Variants in CEP85L observed in about 807,000 individuals in gnomAD.
CEP85L encodes the protein centrosomal protein 85L, also known as centrosomal protein of 85 kDa-like.
A neutral mutation model predicts 100.3 loss-of-function variants in CEP85L; 60 were observed. The ratio of observed to expected loss-of-function variants is 0.60; its 90% CI spans 0.49 to 0.74. The LOEUF (loss-of-function observed/expected upper bound fraction) is 0.74. CEP85L is among the 30% of genes least tolerant of loss of function. CEP85L has a pLI of 0.00. For synonymous variants in CEP85L, 319 were observed against 322.7 expected, an observed-to-expected ratio of 0.99 and a Z score of 0.12; for missense variants, 973 against 936.2, an observed-to-expected ratio of 1.04 and a Z score of -0.51.
upstream of CEP85L, among the ~76,000 whole-genome samples, chr6:118,654,689 T>G (rs1445264187): frequency 6.6e-6 from 1 of 152,242 alleles, no homozygotes; most frequent in Non-Finnish European, 1.5e-5. Context: ...CAGGTAGAAT[T>G]CAAATAGGTG....
At chr6:118,475,658 A>T (rs114041968) in intron 10 of CEP85L, among the ~76,000 whole-genome samples, 1 of 152,098 alleles carries the variant, frequency 6.6e-6, no homozygotes, top group African/African-American at 2.4e-5. Flanking sequence ...CCGGTGACTT[A>T]TATCTTAATA....
chr6:118,576,963 C>A (rs1486563405), intron 2 of CEP85L, among the ~76,000 whole-genome samples: 1 of 152,194 alleles, frequency 6.6e-6, no homozygotes, highest in Admixed American at 6.5e-5. Flanking sequence ...CCCCTTTCCA[C>A]TTGATTGATC....
At chr6:118,516,360 C>T (rs1454276352) in intron 4 of CEP85L, among the ~76,000 whole-genome samples, 1 of 152,212 alleles carries the variant, frequency 6.6e-6, no homozygotes, top group African/African-American at 2.4e-5. Flanking sequence ...CTAATTTACA[C>T]TCCCACCAAC....
chr6:118,644,906 A>G (rs556691280), intron 1 of CEP85L, among the ~76,000 whole-genome samples: 2 of 152,310 alleles, frequency 1.3e-5, no homozygotes, highest in African/African-American at 4.8e-5. Flanking sequence ...GACTGATTGT[A>G]AACACCTAGG....
At chr6:118,502,874 G>T (rs1405894222) in intron 5 of CEP85L, 2 of 559,732 alleles carry the variant, frequency 3.6e-6, no homozygotes, top group Non-Finnish European at 6.7e-6. Context: ...CAACTTTGTA[G>T]ATTTAACAGA....
intron 1 of CEP85L, among the ~76,000 whole-genome samples, chr6:118,650,928 C>T (rs1775510569): frequency 6.6e-6 from 1 of 152,232 alleles, no homozygotes. Context: ...CCGCGGGGGC[C>T]CAAGCGAGCT....
intron 5 of CEP85L, among the ~76,000 whole-genome samples, chr6:118,500,095 G>A (rs1246181400): frequency 6.6e-6 from 1 of 152,084 alleles, no homozygotes; most frequent in Non-Finnish European, 1.5e-5. Flanking sequence ...GAGCCCAGAA[G>A]TTGAAGACCA....
chr6:118,508,406 A>C (rs925988471), intron 5 of CEP85L, among the ~76,000 whole-genome samples: 1 of 152,118 alleles, frequency 6.6e-6, no homozygotes, highest in African/African-American at 2.4e-5. Flanking sequence ...TAAGTAAAGA[A>C]AAAGGGTCCT....
At chr6:118,516,813 C>G (rs1009692625) in intron 4 of CEP85L, among the ~76,000 whole-genome samples, 3 of 152,082 alleles carry the variant, frequency 2.0e-5, no homozygotes, top group Non-Finnish European at 4.4e-5. Context: ...AGACATGAAG[C>G]CTTTGCCCAT....
intron 3 of CEP85L, among the ~76,000 whole-genome samples, chr6:118,541,885 C>G (rs1337744554): frequency 6.6e-6 from 1 of 152,142 alleles, no homozygotes; most frequent in Non-Finnish European, 1.5e-5. Flanking sequence ...CTCATTTTCT[C>G]AAAGAAGTTT....
chr6:118,623,611 A>G (rs149514697), intron 2 of CEP85L, among the ~76,000 whole-genome samples: 1 of 152,296 alleles, frequency 6.6e-6, no homozygotes, highest in Non-Finnish European at 1.5e-5. Context: ...AGTATCTCCC[A>G]TGGCCACTCT....
chr6:118,546,259 C>A (rs1203316939), intron 3 of CEP85L, among the ~76,000 whole-genome samples: 2 of 152,074 alleles, frequency 1.3e-5, no homozygotes, highest in African/African-American at 4.8e-5. Context: ...TTTTTGAATC[C>A]ATTTTCCAAC....
At chr6:118,564,756 T>C (rs780554443) in intron 3 of CEP85L, among the ~76,000 whole-genome samples, 10 of 152,184 alleles carry the variant, frequency 6.6e-5, no homozygotes, top group Non-Finnish European at 1.3e-4. Flanking sequence ...ATTAATTTGT[T>C]TCAGAAAATT....
intron 1 of CEP85L, among the ~76,000 whole-genome samples, chr6:118,680,134 A>T (rs547984971): frequency 6.6e-6 from 1 of 152,034 alleles, no homozygotes; most frequent in Non-Finnish European, 1.5e-5. Flanking sequence ...TCCAAAAAAA[A>T]ATTTAAAAGT....
At chr6:118,643,772 A>T (rs956373363) in intron 1 of CEP85L, among the ~76,000 whole-genome samples, 14 of 152,332 alleles carry the variant, frequency 9.2e-5, no homozygotes, top group African/African-American at 3.4e-4. Context: ...ATAAAACTAG[A>T]TACAGTACTA....
Position 118,568,898 on chromosome 6 carries a change from T to G in CEP85L, c.233-2582A>C, listed in dbSNP as rs183684661. Among the ~76,000 whole-genome samples the G allele has an allele frequency of 1.5e-3, 228 of 152,204 alleles. 2 individuals carry two copies. The highest frequency in any genetic ancestry group is 1.5e-3 in the South Asian group (7 of 4,822). On this transcript the variant is annotated intron_variant, in intron 2 of 12. Transcript: ENST00000368491. Reference sequence around the variant, plus strand: ...TTACATATATTTGTATTAATATTACTAAAGGAGTAGTTATACTAAAATCAT... The same window carrying G: ...TTACATATATTTGTATTAATATTACGAAAGGAGTAGTTATACTAAAATCAT...
intron 3 of CEP85L, among the ~76,000 whole-genome samples, chr6:118,546,268 A>G (rs922391695): frequency 1.3e-5 from 2 of 152,136 alleles, no homozygotes; most frequent in African/African-American, 4.8e-5. Context: ...CCATTTTCCA[A>G]CTGTGTCACA....
intron 3 of CEP85L, among the ~76,000 whole-genome samples, chr6:118,558,660 C>CAGAG (rs369698272): frequency 4.1e-4 from 50 of 122,308 alleles, no homozygotes; most frequent in African/African-American, 1.3e-3. Flanking sequence ...CACACACACA[C>CAGAG]AGAGAGAGAG....
intron 2 of CEP85L, among the ~76,000 whole-genome samples, chr6:118,596,658 A>AT (rs200891597): frequency 1.3e-4 from 20 of 151,664 alleles, no homozygotes; most frequent in African/African-American, 4.4e-4. Context: ...AATACAACTG[A>AT]TTTTTTTAAA....
Sources: allele counts gnomAD v4.1 joint callset (sites outside exome capture counted in the v4.1 genomes callset), GRCh38; gene constraint gnomAD v4.1.1; transcripts MANE v1.5; gene names NCBI Gene and HGNC (gene_info 2026-07-23, HGNC 2026-07-21).